Variants in PKHD1 observed in about 807,000 individuals in gnomAD.
The protein encoded by PKHD1 is fibrocystin.
A neutral mutation model predicts 412.0 loss-of-function variants in PKHD1; 291 were observed. The ratio of observed to expected loss-of-function variants is 0.71; its 90% CI spans 0.64 to 0.78. The LOEUF (loss-of-function observed/expected upper bound fraction) is 0.78, where lower values mean the gene tolerates loss of function less well. Among genes scored for constraint, PKHD1 ranks in the 30% least tolerant of loss-of-function variants. The probability of loss-of-function intolerance (pLI) is 0.00; values close to 1 mark genes in which losing one functional copy is unlikely to be tolerated. For missense variants in PKHD1, 4,825 were observed against 4,950.7 expected (o/e 0.97, Z 0.76); for synonymous variants, 1,777 against 1,821.5 (o/e 0.98, Z 0.62).
In PKHD1 at chr6:51,898,334, C is replaced by G. The variant is rs1178731437; in HGVS notation, c.6996+5263G>C. Reference sequence around the variant, plus strand: ...ACTATCTCTCAGACCACAGTGCAATCAAACTAGAACTCAGGATTAAGAATC... The same window carrying G: ...ACTATCTCTCAGACCACAGTGCAATGAAACTAGAACTCAGGATTAAGAATC... On this transcript the variant is annotated intron_variant, in intron 43 of 66. Coordinates refer to ENST00000371117, the MANE Select transcript of PKHD1 (RefSeq NM_138694.4). 2.4e-3 allele frequency among the ~76,000 whole-genome samples: 346 copies of G among 147,044 alleles called. 3 individuals carry two copies. The highest frequency in any genetic ancestry group is 7.7e-3 in the African/African-American group (307 of 40,020).
intron 66 of PKHD1, among the ~76,000 whole-genome samples, chr6:51,620,744 G>T (rs1432926755): frequency 6.7e-6 from 1 of 149,184 alleles, no homozygotes; most frequent in Admixed American, 6.7e-5. Context: ...ATTTAATCTG[G>T]AAAATGAGGT....
chr6:51,626,887 G>C, intron 66 of PKHD1, 110 bp downstream of exon 66: 1 of 1,092,872 alleles, frequency 9.2e-7, no homozygotes, highest in Non-Finnish European at 1.4e-6. Flanking sequence ...CAAAGACTAA[G>C]AAGGGGCTAT....
chr6:51,921,984 T>C (rs1784784620), intron 37 of PKHD1, among the ~76,000 whole-genome samples: 1 of 152,244 alleles, frequency 6.6e-6, no homozygotes, highest in African/African-American at 2.4e-5. Flanking sequence ...GGCAAGGAGC[T>C]GCGATCTTTT....
At chr6:51,739,276 G>C (rs1784263883) in intron 60 of PKHD1, among the ~76,000 whole-genome samples, 1 of 151,712 alleles carries the variant, frequency 6.6e-6, no homozygotes, top group African/African-American at 2.4e-5. Context: ...TGTCAACCAG[G>C]CTGGAGTGCA....
chr6:52,072,662 A>G (rs185956270), intron 7 of PKHD1, among the ~76,000 whole-genome samples: 4 of 152,292 alleles, frequency 2.6e-5, no homozygotes, highest in East Asian at 3.9e-4. Context: ...CCTGAGAGTA[A>G]TAAGATCATA....
rs939584225 is a variant in PKHD1, at chr6:52,025,815, C to T, written c.3995G>A (p.Gly1332Glu). The T allele has an allele frequency of 5.0e-6, 8 of 1,614,134 alleles. No individual in the cohort carries two copies. In the Admixed American group the frequency reaches 1.3e-4, roughly 27 times the overall value. ...SNLSNSVILL[G>E]NLNCDVETQS... is the part of the protein sequence containing the mutation. ...TGTCTCAACATCACAGTTCAGGTTC[C>T]CCAGAAGGATGACTGAGTTGGAGAG... The change falls in exon 32 of 67, where the codon GGG becomes GAG. Residue 1332 changes from glycine (G) to glutamate (E), a missense_variant. Transcript: ENST00000371117.
chr6:51,764,537 C>A (rs1392913954), intron 55 of PKHD1, among the ~76,000 whole-genome samples: 2 of 148,570 alleles, frequency 1.3e-5, no homozygotes, highest in African/African-American at 4.9e-5. Context: ...CTAGAAATAC[C>A]ATTTGACCCA....
chr6:51,982,880 T>TAAAAAAAAAAAAAAAAAAAAA (rs777201105), intron 35 of PKHD1, among the ~76,000 whole-genome samples: 2 of 135,896 alleles, frequency 1.5e-5, no homozygotes, highest in Admixed American at 7.5e-5. Flanking sequence ...TAAAATAAAA[T>TAAAAAAAAAAAAAAAAAAAAA]AAAATAAAAT....
At chr6:51,991,785 T>C (rs1296585894) in intron 35 of PKHD1, among the ~76,000 whole-genome samples, 1 of 152,224 alleles carries the variant, frequency 6.6e-6, no homozygotes, top group Non-Finnish European at 1.5e-5. Flanking sequence ...TGGATAAATA[T>C]ATAGTCATAG....
Position 52,084,944 on chromosome 6 carries a change from TA to T in PKHD1, c.-12del. On this transcript the variant is annotated 5_prime_UTR_variant, in exon 2 of 67. Coordinates refer to ENST00000371117, the MANE Select transcript of PKHD1 (RefSeq NM_138694.4). ...CAGCCAGGCAGTCATTCTGTCCACTTAAATCAATACTCTTAAGATTGCTCAG... is the reference window on the plus strand; with the variant it reads ...CAGCCAGGCAGTCATTCTGTCCACTTAATCAATACTCTTAAGATTGCTCAG... 6.3e-7 allele frequency: 1 copy of T among 1,575,166 alleles called. No individual in the cohort carries two copies.
At chr6:51,990,204 T>C (rs1345636560) in intron 35 of PKHD1, among the ~76,000 whole-genome samples, 2 of 151,938 alleles carry the variant, frequency 1.3e-5, no homozygotes, top group Non-Finnish European at 2.9e-5. Flanking sequence ...AAAGATTTTT[T>C]TAAAAAATCA....
intron 60 of PKHD1, among the ~76,000 whole-genome samples, chr6:51,674,822 T>C (rs1775578906): frequency 6.6e-6 from 1 of 152,190 alleles, no homozygotes; most frequent in African/African-American, 2.4e-5. Context: ...TGTTATGTCT[T>C]CATTTGGCCC....
rs532341261 is a variant in PKHD1, at chr6:51,779,928, G to A, written c.8441-4007C>T. On this transcript the variant is annotated intron_variant, in intron 53 of 66. Transcript: ENST00000371117. ...CTTGCACAAGACATTTAAAAAAACTGATCATATGATGATGATAAAGCAGTT... is the reference window on the plus strand; with the variant it reads ...CTTGCACAAGACATTTAAAAAAACTAATCATATGATGATGATAAAGCAGTT... Among the ~76,000 whole-genome samples the A allele has an allele frequency of 5.3e-5, 8 of 152,140 alleles. No homozygotes were observed. The South Asian group carries it at 1.7e-3, about 32-fold the overall frequency.
chr6:52,075,968 A>T (rs1372591815), intron 6 of PKHD1, among the ~76,000 whole-genome samples: 1 of 152,194 alleles, frequency 6.6e-6, no homozygotes, highest in Non-Finnish European at 1.5e-5. Context: ...TATGGGAATG[A>T]TTATAAAGTT....
At chr6:52,032,982 G>A (rs1158565751) in intron 29 of PKHD1, 48 bp downstream of exon 29, 3 of 1,538,162 alleles carry the variant, frequency 2.0e-6, no homozygotes, top group Non-Finnish European at 2.7e-6. Context: ...CTTTTTATAG[G>A]ACCAATGCTC....
intron 11 of PKHD1, among the ~76,000 whole-genome samples, chr6:52,068,341 A>G (rs191911032): frequency 1.3e-5 from 2 of 152,266 alleles, no homozygotes; most frequent in East Asian, 3.9e-4. Flanking sequence ...CCAAGAAGAC[A>G]CTGCCCTGGA....
rs562894206 is a variant in PKHD1 at position 51,727,415 on chromosome 6, TA to T, written c.10156+16969del. On this transcript the variant is annotated intron_variant, in intron 60 of 66. Coordinates refer to ENST00000371117, the MANE Select transcript of PKHD1 (RefSeq NM_138694.4). ...TCAGAGCAGGTGAGGAAGTATATTT[TA>T]AAAGGCTTTGGAACAGGAGAGAAAG... Among the ~76,000 whole-genome samples the T allele has an allele frequency of 1.4e-4, 21 of 152,300 alleles. No homozygotes were observed. The South Asian group carries it at 4.3e-3, about 32-fold the overall frequency.
chr6:51,709,466 G>A, intron 60 of PKHD1, among the ~76,000 whole-genome samples: 1 of 152,156 alleles, frequency 6.6e-6, no homozygotes, highest in Non-Finnish European at 1.5e-5. Flanking sequence ...TCACTTCGGA[G>A]GAAGTTAGGA....
chr6:51,995,723 T>C (rs907278556), intron 35 of PKHD1, among the ~76,000 whole-genome samples: 10 of 152,256 alleles, frequency 6.6e-5, no homozygotes, highest in Non-Finnish European at 1.5e-4. Flanking sequence ...TATAGCACAG[T>C]TAGTGAGTTT....
Sources: allele counts gnomAD v4.1 joint callset (sites outside exome capture counted in the v4.1 genomes callset), GRCh38; gene constraint gnomAD v4.1.1; transcripts MANE v1.5; gene names NCBI Gene and HGNC (gene_info 2026-07-23, HGNC 2026-07-21).